Variants in MBNL1 observed in about 807,000 individuals in gnomAD.
MBNL1 encodes the protein muscleblind-like protein 1.
MBNL1 carries 8 observed loss-of-function variants against 42.2 expected under a neutral mutation model. The observed-to-expected ratio is 0.19, with a 90% CI of 0.11 to 0.34. MBNL1 has a LOEUF of 0.34. Among genes scored for constraint, MBNL1 ranks in the 10% least tolerant of loss-of-function variants. The pLI is 1.00. For synonymous variants in MBNL1, 169 were observed against 173.9 expected, an observed-to-expected ratio of 0.97 and a Z score of 0.22; for missense variants, 309 against 495.3, an observed-to-expected ratio of 0.62 and a Z score of 3.57.
intron 4 of MBNL1, among the ~76,000 whole-genome samples, chr3:152,434,477 T>C (rs2099052271): frequency 6.6e-6 from 1 of 152,228 alleles, no homozygotes; most frequent in Non-Finnish European, 1.5e-5. Context: ...AAGTTGATTC[T>C]ATGTTTTGCT....
intron 2 of MBNL1, among the ~76,000 whole-genome samples, chr3:152,308,550 T>A (rs2064500952): frequency 6.6e-6 from 1 of 152,168 alleles, no homozygotes. Context: ...GCTTCCCACC[T>A]GTGTAACCTT....
At chr3:152,383,267 A>G (rs1267930108) in intron 2 of MBNL1, among the ~76,000 whole-genome samples, 2 of 152,082 alleles carry the variant, frequency 1.3e-5, no homozygotes, top group South Asian at 2.1e-4. Flanking sequence ...GGATTCTTAC[A>G]AAGTCCACCA....
At chr3:152,340,932 G>A (rs1485137630) in intron 2 of MBNL1, 1 of 1,572,160 alleles carries the variant, frequency 6.4e-7, no homozygotes, top group African/African-American at 1.4e-5. Flanking sequence ...CTCCAGACAG[G>A]AGACTGCAGC....
At chr3:152,408,587 T>C (rs1007242884) in intron 2 of MBNL1, among the ~76,000 whole-genome samples, 2 of 152,024 alleles carry the variant, frequency 1.3e-5, no homozygotes, top group South Asian at 2.1e-4. Flanking sequence ...TACACTGTTA[T>C]ATTTGGTATT....
chr3:152,362,824 GTATT>G (rs1560295749), intron 2 of MBNL1, among the ~76,000 whole-genome samples: 2 of 152,232 alleles, frequency 1.3e-5, no homozygotes, highest in Admixed American at 6.5e-5. Context: ...TGGGCTAATT[GTATT>G]TATTTATTTA....
chr3:152,248,903 T>C (rs1283533079), intron 2 of MBNL1, among the ~76,000 whole-genome samples: 1 of 152,084 alleles, frequency 6.6e-6, no homozygotes, highest in African/African-American at 2.4e-5. Context: ...TTACTGAGAA[T>C]GATGATTTCC....
At chr3:152,332,701 T>TGG (rs2152672421) in intron 2 of MBNL1, among the ~76,000 whole-genome samples, 1 of 103,420 alleles carries the variant, frequency 9.7e-6, no homozygotes, top group African/African-American at 4.0e-5. Context: ...TTTGTGTGTG[T>TGG]GTGTGTGTGT....
intron 2 of MBNL1, among the ~76,000 whole-genome samples, chr3:152,390,172 G>C (rs1000892029): frequency 2.0e-5 from 3 of 150,278 alleles, no homozygotes; most frequent in Non-Finnish European, 4.4e-5. Flanking sequence ...AAAACTTACT[G>C]ACTCTTTTGT....
chr3:152,351,825 G>A (rs1465403133), intron 2 of MBNL1, among the ~76,000 whole-genome samples: 1 of 152,164 alleles, frequency 6.6e-6, no homozygotes, highest in African/African-American at 2.4e-5. Flanking sequence ...CATGCAAACA[G>A]GGTCTAGCAC....
Position 152,269,083 on chromosome 3 carries a change from AATG to A in MBNL1, c.-798_-796del, listed in dbSNP as rs1267111004. 3 of 455,182 alleles carry A rather than the reference AATG, an allele frequency of 6.6e-6. No homozygotes were observed. Among genetic ancestry groups the A allele is most frequent in the South Asian group, 4.7e-5 (3 of 64,514 alleles). 28.2% of individuals were successfully genotyped at this position (455,182 alleles called of 1,614,324 possible). ...ACAGTGGGGCCGCCTCTGAAAAAAA[AATG>A]TGAGAGGTAAGTTTCCATTTTCACA... On this transcript the variant is annotated 5_prime_UTR_variant, in exon 1 of 10. In the 5' UTR this introduces an upstream ATG that the reference lacks. Coordinates refer to ENST00000324210, the MANE Select transcript of MBNL1 (RefSeq NM_021038.5).
At chr3:152,404,853 A>G (rs899151275) in intron 2 of MBNL1, among the ~76,000 whole-genome samples, 2 of 151,536 alleles carry the variant, frequency 1.3e-5, no homozygotes, top group African/African-American at 2.4e-5. Context: ...AGTGAAATAT[A>G]TAGATAATCC....
intron 2 of MBNL1, among the ~76,000 whole-genome samples, chr3:152,412,435 TCTGTATA>T (rs2098603237): frequency 6.6e-6 from 1 of 152,160 alleles, no homozygotes; most frequent in African/African-American, 2.4e-5. Flanking sequence ...GTCTTGGTAG[TCTGTATA>T]CGTTCTCACC....
chr3:152,362,882 ATGTT>A (rs908002778), intron 2 of MBNL1, among the ~76,000 whole-genome samples: 23 of 152,218 alleles, frequency 1.5e-4, no homozygotes, highest in African/African-American at 5.5e-4. Context: ...ATATAGATAA[ATGTT>A]TGGCACTTTG....
At chr3:152,437,674 C>T (rs567481396) in intron 4 of MBNL1, among the ~76,000 whole-genome samples, 1 of 152,144 alleles carries the variant, frequency 6.6e-6, no homozygotes, top group Non-Finnish European at 1.5e-5. Flanking sequence ...ATCACATATA[C>T]ACACAACATG....
intron 1 of MBNL1, among the ~76,000 whole-genome samples, chr3:152,287,234 T>A (rs1329180851): frequency 6.6e-6 from 1 of 151,564 alleles, no homozygotes; most frequent in Non-Finnish European, 1.5e-5. Flanking sequence ...AAAAAATGGT[T>A]GTATATGGTG....
intron 4 of MBNL1, among the ~76,000 whole-genome samples, chr3:152,439,000 C>T (rs545450068): frequency 1.3e-5 from 2 of 152,304 alleles, no homozygotes; most frequent in South Asian, 4.1e-4. Context: ...ACCATTTTTA[C>T]ATCAGCAGTC....
intron 9 of MBNL1, among the ~76,000 whole-genome samples, 174 bp from the exon 10 acceptor site, chr3:152,462,211 A>C (rs540210921): frequency 6.6e-6 from 1 of 152,288 alleles, no homozygotes; most frequent in South Asian, 2.1e-4. Flanking sequence ...TCGTGTAGAG[A>C]TGATAGACAA....
At chr3:152,299,290 G>C (rs1344829256) in intron 1 of MBNL1, 115 bp from the exon 2 acceptor site, 1 of 161,776 alleles carries the variant, frequency 6.2e-6, no homozygotes, top group East Asian at 1.8e-4. Flanking sequence ...GGGAGAGAGA[G>C]AGAGAGGCTG....
intron 4 of MBNL1, among the ~76,000 whole-genome samples, chr3:152,443,396 A>G (rs2099170294): frequency 6.6e-6 from 1 of 151,752 alleles, no homozygotes; most frequent in African/African-American, 2.4e-5. Flanking sequence ...ACCTTCTGCA[A>G]GTTTCCTGTT....
Sources: gnomAD v4.1 joint callset for allele counts (sites outside exome capture counted in the v4.1 genomes callset) on GRCh38, gnomAD v4.1.1 for gene constraint, MANE v1.5 for transcripts, NCBI Gene and HGNC (gene_info 2026-07-23, HGNC 2026-07-21) for gene names.